Variants in CDH13 observed in about 807,000 individuals in gnomAD.
CDH13 encodes the protein cadherin 13.
In CDH13, 24 loss-of-function variants were observed where a neutral mutation model predicts 63.8. The observed-to-expected ratio is 0.38, with a 90% CI of 0.27 to 0.53. The LOEUF is 0.53. Ranked by LOEUF, CDH13 falls within the 20% of genes least tolerant of loss-of-function variation. CDH13 has a pLI of 0.85. For missense variants in CDH13, 1,049 were observed against 903.1 expected (o/e 1.16, Z -2.07); for synonymous variants, 503 against 355.3 (o/e 1.42, Z -4.67).
chr16:82,656,864 C>T (rs560675050), intron 1 of CDH13, among the ~76,000 whole-genome samples: 1 of 151,038 alleles, frequency 6.6e-6, no homozygotes, highest in South Asian at 2.1e-4. Context: ...TAGCTTCCTT[C>T]ACTTGGTAAC....
intron 5 of CDH13, among the ~76,000 whole-genome samples, chr16:83,312,716 T>C (rs1887392328): frequency 6.6e-6 from 1 of 152,116 alleles, no homozygotes; most frequent in South Asian, 2.1e-4. Context: ...TCTATAGGCA[T>C]CTCCCACACC....
intron 5 of CDH13, among the ~76,000 whole-genome samples, chr16:83,327,132 C>A (rs894016370): frequency 1.3e-5 from 2 of 152,164 alleles, no homozygotes; most frequent in African/African-American, 4.8e-5. Context: ...CTTCAGTGAG[C>A]TAGAATTTGT....
chr16:83,751,450 C>G (rs1251400065), intron 11 of CDH13, among the ~76,000 whole-genome samples: 2 of 151,988 alleles, frequency 1.3e-5, no homozygotes, highest in African/African-American at 4.8e-5. Context: ...AAATATACCT[C>G]CCCTCCACAA....
At chr16:82,894,728 A>T (rs2041194705) in intron 2 of CDH13, among the ~76,000 whole-genome samples, 1 of 152,244 alleles carries the variant, frequency 6.6e-6, no homozygotes, top group African/African-American at 2.4e-5. Flanking sequence ...GACGATGGGA[A>T]GTAATGGGAA....
intron 7 of CDH13, among the ~76,000 whole-genome samples, chr16:83,532,534 G>C (rs2075103337): frequency 6.6e-6 from 1 of 152,220 alleles, no homozygotes; most frequent in Non-Finnish European, 1.5e-5. Context: ...GCTGCATCCA[G>C]AGTGCCTAGC....
intron 3 of CDH13, among the ~76,000 whole-genome samples, chr16:83,073,094 A>G (rs1217440099): frequency 1.3e-5 from 2 of 152,106 alleles, no homozygotes; most frequent in Non-Finnish European, 2.9e-5. Context: ...CCTCGTGACA[A>G]CCTGGAACCC....
chr16:82,944,718 CA>C (rs1904501583), intron 2 of CDH13, among the ~76,000 whole-genome samples: 1 of 152,092 alleles, frequency 6.6e-6, no homozygotes, highest in South Asian at 2.1e-4. Flanking sequence ...CCTTCTAAAA[CA>C]ACACATATTT....
chr16:83,630,669 G>T (rs994014527), intron 8 of CDH13, among the ~76,000 whole-genome samples: 3 of 152,184 alleles, frequency 2.0e-5, no homozygotes, highest in African/African-American at 7.2e-5. Flanking sequence ...GGTGAGCAGA[G>T]GGATGACTTT....
At chr16:83,012,801 C>G (rs907445281) in intron 2 of CDH13, among the ~76,000 whole-genome samples, 2 of 152,118 alleles carry the variant, frequency 1.3e-5, no homozygotes, top group Admixed American at 6.6e-5. Context: ...TATTTAAAGA[C>G]TACAGATAAT....
At chr16:83,063,225 G>T (rs948999566) in intron 3 of CDH13, among the ~76,000 whole-genome samples, 1 of 152,140 alleles carries the variant, frequency 6.6e-6, no homozygotes, top group Non-Finnish European at 1.5e-5. Flanking sequence ...GCCTCCCAAA[G>T]TGCTGGAATT....
chr16:83,725,014 C>T (rs1910215288), intron 10 of CDH13, among the ~76,000 whole-genome samples: 1 of 152,170 alleles, frequency 6.6e-6, no homozygotes, highest in South Asian at 2.1e-4. Flanking sequence ...ACACATATGG[C>T]CTCTGTCATC....
intron 3 of CDH13, among the ~76,000 whole-genome samples, chr16:83,075,105 C>T (rs1395564315): frequency 1.3e-5 from 2 of 152,166 alleles, no homozygotes; most frequent in Non-Finnish European, 2.9e-5. Flanking sequence ...GGGGATGTTT[C>T]TCACTGTCTC....
chr16:83,373,830 T>C (rs560565587), intron 6 of CDH13, among the ~76,000 whole-genome samples: 95 of 152,264 alleles, frequency 6.2e-4, no homozygotes, highest in African/African-American at 2.2e-3. Flanking sequence ...GAAGAGTCAC[T>C]GATCTGGAAG....
At chr16:82,711,331 C>G (rs906376687) in intron 1 of CDH13, among the ~76,000 whole-genome samples, 13 of 152,130 alleles carry the variant, frequency 8.5e-5, no homozygotes, top group Non-Finnish European at 2.9e-5. Context: ...CTGCAGGACC[C>G]TCATCCCGTG....
intron 3 of CDH13, among the ~76,000 whole-genome samples, chr16:83,069,132 G>A (rs1425523939): frequency 6.6e-6 from 1 of 152,106 alleles, no homozygotes. Context: ...TCATTTAATT[G>A]TACATCTTGA....
chr16:83,129,955 G>T (rs2035978187), intron 4 of CDH13, among the ~76,000 whole-genome samples: 1 of 152,136 alleles, frequency 6.6e-6, no homozygotes, highest in Non-Finnish European at 1.5e-5. Context: ...GAAACCCCCT[G>T]TACTTGCCTC....
chr16:83,600,718 G>A (rs779358746), intron 7 of CDH13, among the ~76,000 whole-genome samples: 3 of 152,116 alleles, frequency 2.0e-5, no homozygotes, highest in Non-Finnish European at 4.4e-5. Context: ...GTTCAACTCG[G>A]ACTCTCTGTG....
chr16:83,318,641 GTC>G (rs1567588055), intron 5 of CDH13, among the ~76,000 whole-genome samples: 1 of 152,170 alleles, frequency 6.6e-6, no homozygotes, highest in South Asian at 2.1e-4. Context: ...GCTTTAATGA[GTC>G]TGTTACACAG....
intron 10 of CDH13, among the ~76,000 whole-genome samples, chr16:83,686,293 A>G (rs541021070): frequency 1.1e-4 from 16 of 152,316 alleles, no homozygotes; most frequent in African/African-American, 3.8e-4. Flanking sequence ...CTTTGTGCTC[A>G]GGGAGAGTAA....
Sources: allele counts gnomAD v4.1 joint callset (sites outside exome capture counted in the v4.1 genomes callset), GRCh38; gene constraint gnomAD v4.1.1; transcripts MANE v1.5; gene names NCBI Gene and HGNC (gene_info 2026-07-23, HGNC 2026-07-21).